Variants in MBD5 observed in about 807,000 individuals in gnomAD.
The protein encoded by MBD5 is methyl-CpG-binding domain protein 5.
MBD5 carries 13 observed loss-of-function variants against 117.3 expected under a neutral mutation model. The ratio of observed to expected loss-of-function variants is 0.11; its 90% confidence interval spans 0.07 to 0.18. MBD5 has a LOEUF of 0.18. MBD5 is among the 10% of genes least tolerant of loss of function. The pLI is 1.00. For missense variants in MBD5, 1,879 were observed against 2,093.8 expected, an observed-to-expected ratio of 0.90 and a Z score of 2.00; for synonymous variants, 727 against 766.4, an observed-to-expected ratio of 0.95 and a Z score of 0.85.
At chr2:148,338,445 T>C (rs1574306339) in intron 3 of MBD5, among the ~76,000 whole-genome samples, 1 of 152,180 alleles carries the variant, frequency 6.6e-6, no homozygotes, top group Non-Finnish European at 1.5e-5. Flanking sequence ...GCAGGCATGG[T>C]GTCAGGTTCT....
chr2:148,088,016 GAA>G (rs549142676), intron 1 of MBD5, among the ~76,000 whole-genome samples: 1 of 145,872 alleles, frequency 6.9e-6, no homozygotes. Flanking sequence ...ATATCATAAC[GAA>G]AAAAAAAATA....
chr2:148,167,968 T>A (rs1344916413), intron 1 of MBD5, among the ~76,000 whole-genome samples: 1 of 152,200 alleles, frequency 6.6e-6, no homozygotes. Context: ...ATGCCTATAT[T>A]TTACCATATT....
At chr2:148,272,049 C>T (rs1700999144) in intron 3 of MBD5, among the ~76,000 whole-genome samples, 1 of 152,186 alleles carries the variant, frequency 6.6e-6, no homozygotes, top group African/African-American at 2.4e-5. Context: ...ATTTGTCTTT[C>T]TGTGCCTAGC....
chr2:148,380,676 A>T (rs979823291), intron 4 of MBD5, among the ~76,000 whole-genome samples: 2 of 152,170 alleles, frequency 1.3e-5, no homozygotes, highest in Non-Finnish European at 2.9e-5. Flanking sequence ...CTGCCTCCTC[A>T]AGTGGGTCCC....
In MBD5 at chr2:148,217,582, A is replaced by G. The variant is rs566046565; in HGVS notation, c.-830-15663A>G. ...AAGTAGGTGGCCATGTTTTCATAAG[A>G]TGTCTTTTCCTCCTTTTGTTGTTGC... is the stretch of plus-strand genomic sequence containing the variant. On this transcript the variant is annotated intron_variant, in intron 2 of 13. Transcript: ENST00000642680. Among the ~76,000 whole-genome samples the G allele has an allele frequency of 2.0e-5, 3 of 152,232 alleles. No homozygotes were observed. In the South Asian group the frequency reaches 6.2e-4, roughly 32 times the overall value.
intron 1 of MBD5, among the ~76,000 whole-genome samples, chr2:148,099,397 T>C (rs1008006254): frequency 6.6e-6 from 1 of 152,174 alleles, no homozygotes; most frequent in African/African-American, 2.4e-5. Flanking sequence ...TTGTTATTTC[T>C]TATAGTTTCA....
At chr2:148,433,384 T>G (rs1706050987) in intron 4 of MBD5, among the ~76,000 whole-genome samples, 1 of 152,154 alleles carries the variant, frequency 6.6e-6, no homozygotes, top group Non-Finnish European at 1.5e-5. Flanking sequence ...CTTCCAGTAC[T>G]ATGTTGAATA....
chr2:148,390,552 C>T (rs555290548), intron 4 of MBD5, among the ~76,000 whole-genome samples: 19 of 94,848 alleles, frequency 2.0e-4, no homozygotes, highest in East Asian at 1.5e-3. Flanking sequence ...TATATATATA[C>T]GTGTATGTGT....
intron 10 of MBD5, among the ~76,000 whole-genome samples, chr2:148,489,113 C>A (rs1574483778): frequency 6.6e-6 from 1 of 152,064 alleles, no homozygotes; most frequent in South Asian, 2.1e-4. Context: ...CCAGCCACTT[C>A]AAGTTTAATT....
At chr2:148,458,894 G>A in intron 5 of MBD5, 23 bp downstream of exon 5, 2 of 1,569,084 alleles carry the variant, frequency 1.3e-6, no homozygotes, top group Non-Finnish European at 1.8e-6. Context: ...TATTACCTGT[G>A]GTACCTGCAA....
chr2:148,252,060 G>T (rs1244683861), intron 3 of MBD5, among the ~76,000 whole-genome samples: 1 of 152,086 alleles, frequency 6.6e-6, no homozygotes, highest in African/African-American at 2.4e-5. Context: ...ACAGTGATTG[G>T]AGAGAGAGAG....
chr2:148,319,446 G>A (rs1308735692), intron 3 of MBD5, among the ~76,000 whole-genome samples: 1 of 152,004 alleles, frequency 6.6e-6, no homozygotes, highest in Non-Finnish European at 1.5e-5. Flanking sequence ...GTGTTTTGTA[G>A]TTCTGTTTAT....
intron 1 of MBD5, among the ~76,000 whole-genome samples, chr2:148,170,832 G>T (rs1488194434): frequency 6.6e-6 from 1 of 152,200 alleles, no homozygotes; most frequent in Non-Finnish European, 1.5e-5. Flanking sequence ...TACAGAAACA[G>T]AATGGATCAT....
intron 1 of MBD5, among the ~76,000 whole-genome samples, chr2:148,046,191 C>G (rs1694527075): frequency 6.6e-6 from 1 of 151,854 alleles, no homozygotes; most frequent in Non-Finnish European, 1.5e-5. Flanking sequence ...ACCATGTTGG[C>G]CAGGACGGTT....
intron 3 of MBD5, among the ~76,000 whole-genome samples, chr2:148,298,629 T>A (rs1482200107): frequency 2.0e-5 from 3 of 152,234 alleles, no homozygotes; most frequent in Non-Finnish European, 4.4e-5. Flanking sequence ...GGCTATTATC[T>A]TTTGGACAGT....
chr2:148,110,100 A>G (rs1279135402), intron 1 of MBD5, among the ~76,000 whole-genome samples: 1 of 152,188 alleles, frequency 6.6e-6, no homozygotes, highest in Non-Finnish European at 1.5e-5. Flanking sequence ...TAATAGTAAC[A>G]GTTACAATTT....
chr2:148,430,212 A>T (rs535470524), intron 4 of MBD5, among the ~76,000 whole-genome samples: 1 of 152,268 alleles, frequency 6.6e-6, no homozygotes, highest in South Asian at 2.1e-4. Flanking sequence ...AGTGCCAGGC[A>T]CTAAGCCCTT....
intron 2 of MBD5, among the ~76,000 whole-genome samples, chr2:148,214,663 T>C (rs1225018477): frequency 1.5e-4 from 23 of 152,194 alleles, no homozygotes; most frequent in Non-Finnish European, 3.4e-4. Context: ...TTATGTTGCT[T>C]CTCTACCCCA....
At chr2:148,236,811 A>T (rs1423640847) in intron 3 of MBD5, among the ~76,000 whole-genome samples, 2 of 152,170 alleles carry the variant, frequency 1.3e-5, no homozygotes, top group Non-Finnish European at 2.9e-5. Flanking sequence ...TAGTTACGAA[A>T]ATCCCAGGTG....
Sources: allele counts gnomAD v4.1 joint callset (sites outside exome capture counted in the v4.1 genomes callset), GRCh38; gene constraint gnomAD v4.1.1; transcripts MANE v1.5; gene names NCBI Gene and HGNC (gene_info 2026-07-23, HGNC 2026-07-21).